The following ARHGEF4 variants were observed in gnomAD, a reference collection of about 807,000 sequenced individuals.
The protein encoded by ARHGEF4 is APC-stimulated guanine nucleotide exchange factor 1.
Under a neutral mutation model 162.0 loss-of-function variants are expected in ARHGEF4, and 119 were observed. The observed-to-expected ratio is 0.73, with a 90% CI of 0.63 to 0.86. The LOEUF is 0.86. Among genes scored for constraint, ARHGEF4 ranks in the 40% least tolerant of loss-of-function variants. The pLI, the probability that ARHGEF4 is intolerant of heterozygous loss-of-function variation, is 0.00. For missense variants in ARHGEF4, 2,488 were observed against 2,456.0 expected (o/e 1.01, Z -0.28); for synonymous variants, 1,014 against 979.9 (o/e 1.03, Z -0.65).
At chr2:130,937,473 G>T (rs1683028317) in intron 3 of ARHGEF4, among the ~76,000 whole-genome samples, 1 of 151,508 alleles carries the variant, frequency 6.6e-6, no homozygotes, top group Non-Finnish European at 1.5e-5. Flanking sequence ...TCTCTTTATT[G>T]GTATTCCATT....
chr2:130,972,297 G>A (rs1025580337), intron 4 of ARHGEF4, among the ~76,000 whole-genome samples: 57 of 152,246 alleles, frequency 3.7e-4, no homozygotes, highest in Admixed American at 4.6e-4. Flanking sequence ...TAAGAGCATA[G>A]TCTACTAAAG....
chr2:130,887,371 C>T (rs536817053), intron 1 of ARHGEF4, among the ~76,000 whole-genome samples: 1 of 151,888 alleles, frequency 6.6e-6, no homozygotes, highest in South Asian at 2.1e-4. Context: ...TTGATTATAC[C>T]AAATCTGCAG....
At chr2:131,014,831 A>G (rs1220035043) in intron 4 of ARHGEF4, among the ~76,000 whole-genome samples, 1 of 152,164 alleles carries the variant, frequency 6.6e-6, no homozygotes, top group Admixed American at 6.5e-5. Context: ...CCAAATAGCC[A>G]GGGGTCCTTG....
At position 130,900,713 on chromosome 2, in the gene ARHGEF4, A is replaced by G. The variant is rs150704262; in HGVS notation, c.40-13273A>G. Among the ~76,000 whole-genome samples the G allele has an allele frequency of 4.3e-4, 65 of 152,176 alleles. No homozygotes were observed. In the East Asian group the frequency reaches 0.012, roughly 28 times the overall value. On this transcript the variant is annotated intron_variant, in intron 1 of 13. Transcript: ENST00000409359. ...ATCAATGGATTGTTTTCTCTCATTC[A>G]GGTTGTGATTTTGATGATTCTGGTT...
intron 5 of ARHGEF4, among the ~76,000 whole-genome samples, chr2:131,029,364 TA>T: frequency 6.6e-6 from 1 of 151,902 alleles, no homozygotes. Context: ...ATCTCAAAAA[TA>T]AAAATAAAAC....
chr2:130,931,127 G>A lies in ARHGEF4; in HGVS notation c.3728G>A (p.Gly1243Asp), dbSNP rs747693778. The change falls in exon 3 of 14, where the codon GGC (glycine) becomes GAC (aspartate). Residue 1243 changes from glycine to aspartate, a missense_variant. Gly to Asp is a moderately conservative substitution (Grantham distance 94). Around this residue, in one of 6 missense-constraint regions of ARHGEF4, gnomAD observed 1,642 missense variants for 1,481.5 expected, o/e 1.11. Coordinates refer to ENST00000409359, the MANE Select transcript of ARHGEF4 (RefSeq NM_001367493.1). ...GGGGAGGCTCCTTCACAGCCTAGGG[G>A]CATCCCTCACCGCTCGCCCGTCAGT... ...VRGEAPSQPR[G>D]IPHRSPVSVD... 47 of 1,614,062 alleles carry A rather than the reference G, an allele frequency of 2.9e-5. No homozygotes were observed. The Admixed American group carries it at 7.5e-4, about 26-fold the overall frequency.
At chr2:130,912,640 C>A (rs1326910094) in intron 1 of ARHGEF4, among the ~76,000 whole-genome samples, 2 of 152,066 alleles carry the variant, frequency 1.3e-5, no homozygotes, top group East Asian at 1.9e-4. Context: ...TGTCAAGGAG[C>A]CTTCGTGAGC....
At chr2:131,025,196 G>A (rs1175894381) in intron 4 of ARHGEF4, among the ~76,000 whole-genome samples, 5 of 152,234 alleles carry the variant, frequency 3.3e-5, no homozygotes, top group Admixed American at 1.3e-4. Flanking sequence ...AGGTGAAGGG[G>A]AAGCAAGTAC....
intron 4 of ARHGEF4, among the ~76,000 whole-genome samples, chr2:131,013,117 T>G (rs1688572959): frequency 6.6e-6 from 1 of 152,190 alleles, no homozygotes. Context: ...ACCAAAGAAC[T>G]GCCAGCTTCA....
intron 4 of ARHGEF4, among the ~76,000 whole-genome samples, chr2:130,980,307 GA>G (rs777679995): frequency 1.7e-4 from 26 of 150,690 alleles, no homozygotes; most frequent in Non-Finnish European, 2.8e-4. Context: ...TGAGGCAGGA[GA>G]ATCACTTGAG....
chr2:131,030,827 G>T (rs1689801372), intron 5 of ARHGEF4, among the ~76,000 whole-genome samples: 1 of 152,202 alleles, frequency 6.6e-6, no homozygotes, highest in African/African-American at 2.4e-5. Flanking sequence ...CAGGAAAGGT[G>T]GTGCCTGCCT....
intron 12 of ARHGEF4, 29 bp from the exon 13 acceptor site, chr2:131,045,340 C>T: frequency 6.2e-7 from 1 of 1,600,306 alleles, no homozygotes; most frequent in Non-Finnish European, 8.5e-7. Flanking sequence ...CGAAGTGGGG[C>T]AGCGCCCTCA....
intron 5 of ARHGEF4, chr2:131,035,544 C>G (rs1354244529): frequency 3.5e-6 from 2 of 568,792 alleles, no homozygotes; most frequent in Admixed American, 5.8e-5. Flanking sequence ...ACCGAGGATG[C>G]GGATTCAGCT....
chr2:130,877,367 T>G (rs959913616), intron 1 of ARHGEF4, among the ~76,000 whole-genome samples: 1 of 152,246 alleles, frequency 6.6e-6, no homozygotes, highest in Non-Finnish European at 1.5e-5. Context: ...AAAGCCTAAC[T>G]TGAGCTAATT....
At chr2:131,035,244 C>T (rs1268260681) in intron 5 of ARHGEF4, 2 of 1,224,496 alleles carry the variant, frequency 1.6e-6, no homozygotes. Flanking sequence ...TACTGATCTT[C>T]CTGCTGGCCT....
At chr2:130,999,408 G>A (rs186400545) in intron 4 of ARHGEF4, among the ~76,000 whole-genome samples, 9,886 of 151,954 alleles carry the variant, frequency 0.065, 338 homozygotes, top group Admixed American at 0.1. Context: ...CGCCCGCCTT[G>A]GCCTCCCAAA....
At chr2:130,985,275 A>G (rs902705930) in intron 4 of ARHGEF4, among the ~76,000 whole-genome samples, 4 of 152,192 alleles carry the variant, frequency 2.6e-5, no homozygotes, top group African/African-American at 9.7e-5. Context: ...CTGAGACCCC[A>G]GGTCCAAGGC....
chr2:131,042,566 G>A (rs1449729976), intron 10 of ARHGEF4, among the ~76,000 whole-genome samples: 3 of 152,070 alleles, frequency 2.0e-5, no homozygotes, highest in Admixed American at 1.3e-4. Flanking sequence ...GAAATGGCCT[G>A]GAAATCAATC....
intron 1 of ARHGEF4, among the ~76,000 whole-genome samples, chr2:130,896,955 C>T (rs533389555): frequency 1.5e-4 from 23 of 152,130 alleles, no homozygotes; most frequent in Admixed American, 1.1e-3. Context: ...GGCATGTGGT[C>T]GCTACTAAGT....
Sources: gnomAD v4.1 joint callset for allele counts (sites outside exome capture counted in the v4.1 genomes callset) on GRCh38, gnomAD v4.1.1 for gene constraint, gnomAD v4.1.1 regional missense constraint, MANE v1.5 for transcripts, NCBI Gene and HGNC (gene_info 2026-07-23, HGNC 2026-07-21) for gene names.